UNC5C: variants seen among roughly 807,000 people sequenced by gnomAD.
UNC5C encodes the protein unc-5 netrin receptor C.
Under a neutral mutation model 99.8 loss-of-function variants are expected in UNC5C, and 47 were observed. The ratio of observed to expected loss-of-function variants is 0.47; its 90% CI spans 0.37 to 0.60. The LOEUF is 0.60. Ranked by LOEUF, UNC5C falls within the 20% of genes least tolerant of loss-of-function variation. UNC5C has a pLI of 0.00. For missense variants in UNC5C, 1,062 were observed against 1,165.9 expected, an observed-to-expected ratio of 0.91 and a Z score of 1.30; for synonymous variants, 487 against 452.2, an observed-to-expected ratio of 1.08 and a Z score of -0.98.
chr4:95,203,342 TC>T (rs1017052881), intron 11 of UNC5C, among the ~76,000 whole-genome samples: 2 of 152,234 alleles, frequency 1.3e-5, no homozygotes, highest in African/African-American at 4.8e-5. Context: ...CACTGCTTTT[TC>T]TAAGTAATCT....
intron 1 of UNC5C, among the ~76,000 whole-genome samples, chr4:95,458,538 A>G (rs537374670): frequency 6.6e-6 from 1 of 152,208 alleles, no homozygotes; most frequent in South Asian, 2.1e-4. Context: ...TTGAACCACA[A>G]AAATTGATAG....
At chr4:95,401,470 G>A (rs1353476093) in intron 1 of UNC5C, among the ~76,000 whole-genome samples, 1 of 151,798 alleles carries the variant, frequency 6.6e-6, no homozygotes, top group Middle Eastern at 3.2e-3. Flanking sequence ...CCAGGCTAAG[G>A]TTTTTTTGTA....
chr4:95,316,267 T>C (rs1742473321), intron 2 of UNC5C, among the ~76,000 whole-genome samples: 1 of 152,174 alleles, frequency 6.6e-6, no homozygotes, highest in Non-Finnish European at 1.5e-5. Context: ...AAAATAAATG[T>C]TATTACAACT....
chr4:95,236,613 AG>A (rs5860395), intron 7 of UNC5C, among the ~76,000 whole-genome samples: 51,654 of 150,498 alleles, frequency 0.34, 9,611 homozygotes, highest in East Asian at 0.66. Flanking sequence ...AAGAAAAAAA[AG>A]AATAGAAAGC....
chr4:95,332,436 T>C (rs1743152459), intron 2 of UNC5C, among the ~76,000 whole-genome samples: 1 of 144,244 alleles, frequency 6.9e-6, no homozygotes, highest in Non-Finnish European at 1.5e-5. Flanking sequence ...AACTATCTGA[T>C]CTTTGACAAA....
At position 95,168,238 on chromosome 4, in the gene UNC5C, T is replaced by C. The variant is rs1481439485; in HGVS notation, c.*996A>G. On this transcript the variant is annotated 3_prime_UTR_variant, in exon 16 of 16. Transcript: ENST00000453304. Reference sequence around the variant, plus strand: ...AGCCATTCAGCATTTATCAATCACCTTTCTGGGGTGGAATAAGGGAAAGGT... The same window carrying C: ...AGCCATTCAGCATTTATCAATCACCCTTCTGGGGTGGAATAAGGGAAAGGT... 1 of 152,174 alleles carries C rather than the reference T, an allele frequency of 6.6e-6. No individual in the cohort carries two copies. The highest frequency in any genetic ancestry group is 2.4e-5 in the African/African-American group (1 of 41,422). 9.4% of individuals were successfully genotyped at this position (152,174 alleles called of 1,614,324 possible). A position where few individuals can be genotyped will look rare whatever the true frequency, so the allele number is the denominator to read the frequency against.
intron 2 of UNC5C, among the ~76,000 whole-genome samples, chr4:95,313,893 C>T (rs569334212): frequency 4.6e-5 from 7 of 152,258 alleles, no homozygotes; most frequent in East Asian, 1.9e-4. Flanking sequence ...CTGCTCTGTA[C>T]GTATTGGCTG....
At chr4:95,395,284 G>A (rs544987188) in intron 1 of UNC5C, among the ~76,000 whole-genome samples, 1 of 152,302 alleles carries the variant, frequency 6.6e-6, no homozygotes, top group South Asian at 2.1e-4. Context: ...TTTCAACAAA[G>A]CCATTAGTCT....
intron 1 of UNC5C, among the ~76,000 whole-genome samples, chr4:95,521,977 T>C (rs1367793301): frequency 6.6e-6 from 1 of 152,134 alleles, no homozygotes; most frequent in African/African-American, 2.4e-5. Flanking sequence ...TGAAAATAAA[T>C]GTCAGAAATG....
chr4:95,226,499 G>C (rs1189916435), intron 7 of UNC5C, among the ~76,000 whole-genome samples: 1 of 152,130 alleles, frequency 6.6e-6, no homozygotes, highest in Non-Finnish European at 1.5e-5. Context: ...GGTCCTTAAG[G>C]GATTTTATCT....
At position 95,200,890 on chromosome 4, in the gene UNC5C, C is replaced by T. The variant is rs1014653490; in HGVS notation, c.2136+1841G>A. On this transcript the variant is annotated intron_variant, in intron 12 of 15. Transcript: ENST00000453304. ...CCCCCCCAAATTCATACGTTGTAAT[C>T]CTAACCCCCAGTGTGATAGTATTAG... is the stretch of plus-strand genomic sequence containing the variant. Among the ~76,000 whole-genome samples, 25 of 151,892 alleles carry T rather than the reference C, an allele frequency of 1.6e-4. No individual in the cohort carries two copies. The South Asian group carries it at 2.7e-3, about 16-fold the overall frequency.
At chr4:95,427,663 C>T (rs1212095991) in intron 1 of UNC5C, among the ~76,000 whole-genome samples, 9 of 152,142 alleles carry the variant, frequency 5.9e-5, no homozygotes, top group Non-Finnish European at 4.4e-5. Flanking sequence ...TAGAATGCTA[C>T]TGCACACATA....
intron 9 of UNC5C, among the ~76,000 whole-genome samples, chr4:95,216,610 A>C (rs1410730269): frequency 6.6e-6 from 1 of 152,172 alleles, no homozygotes; most frequent in Non-Finnish European, 1.5e-5. Context: ...TAAAAAAAAA[A>C]ACAACATGTA....
rs377553615 is a variant in UNC5C, at chr4:95,256,699, A to AATATAT, written c.595-6038_595-6033dup. ...TTGTCTAGAGGGACAGAACTAAATA[A>AATATAT]ATATATATATATATATATATATGAG... On this transcript the variant is annotated intron_variant, in intron 4 of 15. Coordinates refer to ENST00000453304, the MANE Select transcript of UNC5C (RefSeq NM_003728.4). Among the ~76,000 whole-genome samples the AATATAT allele has an allele frequency of 6.0e-3, 544 of 90,670 alleles. 12 individuals carry two copies. Among genetic ancestry groups the AATATAT allele is most frequent in the African/African-American group, 0.018 (509 of 27,786 alleles). 59.5% of individuals were successfully genotyped at this position (90,670 alleles called of 152,430 possible).
At chr4:95,448,225 T>TGAGAGAGAGAGAGAGAGAGA (rs1260024385) in intron 1 of UNC5C, among the ~76,000 whole-genome samples, 44 of 105,708 alleles carry the variant, frequency 4.2e-4, no homozygotes, top group Non-Finnish European at 5.5e-4. Context: ...TGTGTGTGTG[T>TGAGAGAGAGAGAGAGAGAGA]GTGAGAGAGA....
chr4:95,278,523 G>A (rs12500581), intron 3 of UNC5C, among the ~76,000 whole-genome samples, 161 bp from the exon 4 acceptor site: 16,931 of 150,972 alleles, frequency 0.11, 1,348 homozygotes, highest in East Asian at 0.31. Flanking sequence ...GTCCCAGGCT[G>A]GAGTGCAGTG....
At position 95,250,533 on chromosome 4, in the gene UNC5C, G is replaced by A. The variant is rs546121235; in HGVS notation, c.729C>T (p.Asn243=). 11 of 1,613,988 alleles carry A rather than the reference G, an allele frequency of 6.8e-6. No homozygotes were observed. The highest frequency in any genetic ancestry group is 6.7e-5 in the African/African-American group (5 of 75,018). The stretch of plus-strand genomic sequence containing the variant: ...TTGTACTTTTCCTCTTGGCAACAAT[G>A]TTTTTGGCAACACAGGTGTAATTTG... ...DTANYTCVAK[N]IVAKRKSTTA... The change falls in exon 5 of 16, where the codon AAC becomes AAT. Residue 243 remains asparagine, a synonymous_variant. Transcript: ENST00000453304.
At chr4:95,340,717 A>T (rs924816539) in intron 1 of UNC5C, among the ~76,000 whole-genome samples, 1 of 152,106 alleles carries the variant, frequency 6.6e-6, no homozygotes, top group African/African-American at 2.4e-5. Flanking sequence ...CATTATTAAT[A>T]ATATACAGCT....
intron 10 of UNC5C, among the ~76,000 whole-genome samples, chr4:95,215,508 T>C (rs1738216243): frequency 6.6e-6 from 1 of 152,046 alleles, no homozygotes; most frequent in Non-Finnish European, 1.5e-5. Flanking sequence ...TTACTTAAAA[T>C]AACTTCTTCT....
Sources: gnomAD v4.1 joint callset for allele counts (sites outside exome capture counted in the v4.1 genomes callset) on GRCh38, gnomAD v4.1.1 for gene constraint, MANE v1.5 for transcripts, NCBI Gene and HGNC (gene_info 2026-07-23, HGNC 2026-07-21) for gene names.